COL4A4: variants seen among roughly 807,000 people sequenced by gnomAD.
The protein encoded by COL4A4 is collagen alpha-4(IV) chain.
Under a neutral mutation model 192.9 loss-of-function variants are expected in COL4A4, and 105 were observed. The ratio of observed to expected loss-of-function variants is 0.54; its 90% CI spans 0.46 to 0.64. The LOEUF is 0.64. Ranked by LOEUF, COL4A4 falls within the 30% of genes least tolerant of loss-of-function variation. The pLI, the probability that COL4A4 is intolerant of heterozygous loss-of-function variation, is 0.00. For missense variants in COL4A4, 1,967 were observed against 2,169.3 expected, an observed-to-expected ratio of 0.91 and a Z score of 1.85; for synonymous variants, 762 against 769.9, an observed-to-expected ratio of 0.99 and a Z score of 0.17.
chr2:227,056,814 T>C (rs1434912205), intron 29 of COL4A4, among the ~76,000 whole-genome samples: 1 of 152,182 alleles, frequency 6.6e-6, no homozygotes, highest in Non-Finnish European at 1.5e-5. Context: ...GCAAAAGAGC[T>C]GTTTGCCCCA....
chr2:227,088,913 AAG>A (rs2059746087), intron 21 of COL4A4, 97 bp from the exon 22 acceptor site: 1 of 1,424,106 alleles, frequency 7.0e-7, no homozygotes, highest in African/African-American at 1.4e-5. Context: ...ATGAAGAACA[AAG>A]AGTCCGATAT....
intron 47 of COL4A4, 92 bp downstream of exon 47, chr2:227,007,926 C>G: frequency 6.7e-7 from 1 of 1,502,910 alleles, no homozygotes; most frequent in Non-Finnish European, 9.1e-7. Flanking sequence ...GCGCAGAGTG[C>G]TCAGAATTAC....
downstream of COL4A4, among the ~76,000 whole-genome samples, chr2:227,001,390 AT>A (rs58373233): frequency 0.5 from 75,670 of 151,786 alleles, 19,804 homozygotes; most frequent in African/African-American, 0.67. Flanking sequence ...GGCCTGTGGG[AT>A]TCCCCCAAAA....
At chr2:227,028,306 G>A (rs1967452044) in intron 41 of COL4A4, among the ~76,000 whole-genome samples, 1 of 152,140 alleles carries the variant, frequency 6.6e-6, no homozygotes, top group Non-Finnish European at 1.5e-5. Context: ...GACTGGAACT[G>A]AAGGAAAAAT....
chr2:227,091,267 G>GATATAGAT (rs1432447687), intron 20 of COL4A4, among the ~76,000 whole-genome samples: 1 of 150,030 alleles, frequency 6.7e-6, no homozygotes, highest in Middle Eastern at 3.2e-3. Flanking sequence ...TATAGATATA[G>GATATAGAT]ATATAGATAT....
chr2:227,089,811 C>A, intron 21 of COL4A4, 57 bp downstream of exon 21: 2 of 1,390,650 alleles, frequency 1.4e-6, no homozygotes, highest in Non-Finnish European at 2.0e-6. Context: ...TCAGAAATGC[C>A]CCCGATCATC....
chr2:227,103,724 T>C (rs2060655251), intron 13 of COL4A4, among the ~76,000 whole-genome samples: 1 of 152,164 alleles, frequency 6.6e-6, no homozygotes, highest in Admixed American at 6.5e-5. Context: ...CAAGCACATG[T>C]CATAATTTAG....
chr2:226,995,528 C>T, the COL4A4 span: 1 of 1,593,684 alleles, frequency 6.3e-7, no homozygotes, highest in African/African-American at 1.3e-5. Context: ...AGTGAGGTGG[C>T]ATCTTGGGAA....
intron 1 of COL4A4, among the ~76,000 whole-genome samples, chr2:227,158,923 A>G (rs746253149): frequency 5.9e-5 from 9 of 152,200 alleles, no homozygotes; most frequent in Non-Finnish European, 1.2e-4. Context: ...AATTAAATGT[A>G]CATCTACCAT....
Position 227,140,201 on chromosome 2 carries a change from T to A in COL4A4, c.152A>T (p.Asp51Val). 1 of 1,614,084 alleles carries A rather than the reference T, an allele frequency of 6.2e-7. No individual in the cohort carries two copies. Among genetic ancestry groups the A allele is most frequent in the Admixed American group, 1.7e-5 (1 of 60,002 alleles). The change falls in exon 4 of 48, where the codon GAT (aspartate) becomes GTT (valine). Residue 51 changes from aspartate (D) to valine (V), a missense_variant. Physicochemically the swap from Asp to Val is radical, Grantham distance 152. Coordinates refer to ENST00000396625, the MANE Select transcript of COL4A4 (RefSeq NM_000092.5). ...KKYIGPCGGR[D>V]CSVCHCVPEK... ...AGGAACACAGTGGCAAACAGAGCAA[T>A]CTCTTCCTCCACAAGGACCAATGTA...
intron 1 of COL4A4, among the ~76,000 whole-genome samples, chr2:227,150,031 T>A (rs2063822753): frequency 6.6e-6 from 1 of 152,228 alleles, no homozygotes; most frequent in South Asian, 2.1e-4. Flanking sequence ...TCTTTTTTTA[T>A]TCACAGATGT....
the COL4A4 span, among the ~76,000 whole-genome samples, chr2:226,970,075 C>G: frequency 6.8e-6 from 1 of 148,004 alleles, no homozygotes; most frequent in Non-Finnish European, 1.5e-5. Context: ...CCCCGCATTC[C>G]TTAAATGGTT....
At chr2:227,141,921 G>C (rs6736593) in intron 3 of COL4A4, among the ~76,000 whole-genome samples, 16,465 of 151,852 alleles carry the variant, frequency 0.11, 2,936 homozygotes, top group African/African-American at 0.38. Context: ...CTATGTGTTC[G>C]CTGAAATATC....
At chr2:227,001,825 T>TAC (rs1358353291), downstream of COL4A4, among the ~76,000 whole-genome samples, 12 of 152,090 alleles carry the variant, frequency 7.9e-5, no homozygotes, top group African/African-American at 2.9e-4. Context: ...TACCCTTATT[T>TAC]CTCTATCAGG....
intron 35 of COL4A4, among the ~76,000 whole-genome samples, chr2:227,044,622 AT>A (rs200124651): frequency 3.3e-5 from 5 of 151,876 alleles, no homozygotes; most frequent in African/African-American, 1.2e-4. Context: ...AATATTAAAA[AT>A]AAAAACTTGT....
At chr2:226,970,998 A>C in the COL4A4 span, among the ~76,000 whole-genome samples, 1 of 152,374 alleles carries the variant, frequency 6.6e-6, no homozygotes, top group African/African-American at 2.4e-5. Context: ...ATCATCATAT[A>C]TGTGAGTTGA....
chr2:227,029,146 G>C (rs975216586), intron 41 of COL4A4, among the ~76,000 whole-genome samples: 4 of 152,188 alleles, frequency 2.6e-5, no homozygotes, highest in African/African-American at 9.7e-5. Context: ...AGCATGATTA[G>C]CGGTTCCACC....
chr2:227,139,298 A>T (rs1346453612), intron 4 of COL4A4, among the ~76,000 whole-genome samples: 1 of 152,218 alleles, frequency 6.6e-6, no homozygotes, highest in Non-Finnish European at 1.5e-5. Context: ...ATGGATGAGG[A>T]CACATTTCAA....
chr2:227,152,874 T>C (rs1275637616), intron 1 of COL4A4, among the ~76,000 whole-genome samples: 1 of 152,188 alleles, frequency 6.6e-6, no homozygotes, highest in Non-Finnish European at 1.5e-5. Flanking sequence ...TGTTCGAGTC[T>C]ATCACTATCA....
Sources: allele counts gnomAD v4.1 joint callset (sites outside exome capture counted in the v4.1 genomes callset), GRCh38; gene constraint gnomAD v4.1.1; transcripts MANE v1.5; gene names NCBI Gene and HGNC (gene_info 2026-07-23, HGNC 2026-07-21).